PRKD3: variants seen among roughly 807,000 people sequenced by gnomAD.
PRKD3 encodes protein kinase D3.
In PRKD3, 47 loss-of-function variants were observed where a neutral mutation model predicts 99.2. That is an observed-to-expected ratio of 0.47 (90% CI 0.38 to 0.60). PRKD3 has a LOEUF of 0.60. Ranked by LOEUF, PRKD3 falls within the 20% of genes least tolerant of loss-of-function variation. The pLI, the probability that PRKD3 is intolerant of heterozygous loss-of-function variation, is 0.00. For missense variants in PRKD3, 1,019 were observed against 1,088.4 expected, an observed-to-expected ratio of 0.94 and a Z score of 0.90; for synonymous variants, 392 against 355.4, an observed-to-expected ratio of 1.10 and a Z score of -1.16.
intron 12 of PRKD3, 59 bp from the exon 13 acceptor site, chr2:37,269,746 TCTGA>T (rs1316488260): frequency 4.1e-6 from 5 of 1,216,404 alleles, no homozygotes; most frequent in Non-Finnish European, 5.9e-6. Flanking sequence ...TGTCAACATC[TCTGA>T]CTTTCTTCAT....
chr2:37,255,174 A>C (rs1367384867), intron 17 of PRKD3, among the ~76,000 whole-genome samples: 1 of 152,228 alleles, frequency 6.6e-6, no homozygotes, highest in Admixed American at 6.5e-5. Context: ...ACATCAAAAA[A>C]CATCTCTTAT....
intron 2 of PRKD3, among the ~76,000 whole-genome samples, chr2:37,310,783 T>C (rs938580184): frequency 6.6e-6 from 1 of 152,182 alleles, no homozygotes; most frequent in Non-Finnish European, 1.5e-5. Flanking sequence ...GAACATGGCA[T>C]GTCTGAAGCT....
chr2:37,314,985 G>A (rs888494695), intron 2 of PRKD3, among the ~76,000 whole-genome samples: 1 of 138,924 alleles, frequency 7.2e-6, no homozygotes, highest in Non-Finnish European at 1.5e-5. Context: ...TTCACAAACT[G>A]CACAACATCT....
At chr2:37,298,503 A>G (rs1295580630) in intron 2 of PRKD3, among the ~76,000 whole-genome samples, 1 of 151,998 alleles carries the variant, frequency 6.6e-6, no homozygotes, top group Non-Finnish European at 1.5e-5. Context: ...CAGTTTTTCC[A>G]TCTGTAAAAT....
intron 2 of PRKD3, among the ~76,000 whole-genome samples, chr2:37,302,251 A>C (rs1670964697): frequency 1.3e-5 from 2 of 152,048 alleles, no homozygotes; most frequent in Non-Finnish European, 2.9e-5. Flanking sequence ...CCATCCCCCG[A>C]GCTTTTCTGG....
At chr2:37,261,410 C>G (rs899103988) in intron 14 of PRKD3, among the ~76,000 whole-genome samples, 3 of 151,690 alleles carry the variant, frequency 2.0e-5, no homozygotes, top group Non-Finnish European at 4.4e-5. Context: ...TCACTTGAAC[C>G]TGGGAGGTGG....
intron 2 of PRKD3, among the ~76,000 whole-genome samples, chr2:37,310,389 T>G (rs2124890529): frequency 6.6e-6 from 1 of 152,308 alleles, no homozygotes; most frequent in East Asian, 1.9e-4. Context: ...CACACAATGA[T>G]GAGAGATGAG....
chr2:37,282,683 ACTTT>A (rs1669907053), intron 6 of PRKD3, 64 bp from the exon 7 acceptor site: 2 of 1,108,572 alleles, frequency 1.8e-6, no homozygotes, highest in Non-Finnish European at 2.7e-6. Context: ...ATATGGTTAG[ACTTT>A]CTTTAAATCA....
At chr2:37,269,082 T>C (rs1669041199) in intron 13 of PRKD3, 1 of 155,226 alleles carries the variant, frequency 6.4e-6, no homozygotes. Flanking sequence ...TTAATTAATA[T>C]TTAAGCCCTA....
chr2:37,301,594 T>C (rs942761113), intron 2 of PRKD3, among the ~76,000 whole-genome samples: 1 of 152,144 alleles, frequency 6.6e-6, no homozygotes. Flanking sequence ...TCACCTTTCC[T>C]GGCCCTTAAT....
chr2:37,254,642 T>TA (rs1558519361), intron 17 of PRKD3, among the ~76,000 whole-genome samples: 1 of 152,202 alleles, frequency 6.6e-6, no homozygotes, highest in Admixed American at 6.5e-5. Flanking sequence ...GTTGCTGACA[T>TA]ATGTTAAGGG....
At chr2:37,287,597 A>G (rs907964701) in intron 5 of PRKD3, among the ~76,000 whole-genome samples, 8 of 152,140 alleles carry the variant, frequency 5.3e-5, no homozygotes, top group Non-Finnish European at 1.0e-4. Context: ...CTGTTCATAT[A>G]GCTAGATGGT....
intron 14 of PRKD3, among the ~76,000 whole-genome samples, chr2:37,261,555 CG>C (rs201809236): frequency 0.023 from 3,439 of 151,946 alleles, 62 homozygotes; most frequent in South Asian, 0.041. Context: ...CCAAGGCAGG[CG>C]GATCACCTGA....
At chr2:37,287,226 A>G (rs111474759) in intron 5 of PRKD3, among the ~76,000 whole-genome samples, 11,559 of 96,880 alleles carry the variant, frequency 0.12, 833 homozygotes, top group East Asian at 0.36. Flanking sequence ...GCGAAACTCC[A>G]TCTCAAAAAA....
At chr2:37,293,085 G>C in intron 3 of PRKD3, 48 bp downstream of exon 3, 1 of 1,487,362 alleles carries the variant, frequency 6.7e-7, no homozygotes, top group South Asian at 1.4e-5. Context: ...CAGAAAATTA[G>C]GCTCTTTGAG....
rs1394873991 is a variant in PRKD3 at position 37,251,454 on chromosome 2, T to C, written c.*1723A>G. On this transcript the variant is annotated 3_prime_UTR_variant, in exon 19 of 19. Transcript: ENST00000234179. ...GATGAAGCTCATAATGACTTAACAC[T>C]ATGGCTGCTGTGAGGGTAAACTAAA... The C allele has an allele frequency of 1.3e-5, 2 of 152,594 alleles. No individual in the cohort carries two copies. Among genetic ancestry groups the C allele is most frequent in the Non-Finnish European group, 2.9e-5 (2 of 68,026 alleles). The allele number at this position is 152,594 out of a possible 1,614,324, so 9.5% of individuals were successfully genotyped here.
chr2:37,286,093 G>T, intron 6 of PRKD3, 84 bp downstream of exon 6: 1 of 1,136,754 alleles, frequency 8.8e-7, no homozygotes, highest in Non-Finnish European at 1.2e-6. Context: ...TTTGGCTAAT[G>T]CTTCTGAAAT....
chr2:37,273,100 G>A (rs1474801234), intron 11 of PRKD3, among the ~76,000 whole-genome samples: 1 of 152,052 alleles, frequency 6.6e-6, no homozygotes, highest in East Asian at 1.9e-4. Context: ...GGGACAAAGA[G>A]TTTTTATACA....
At chr2:37,316,160 C>A (rs1295549125) in intron 2 of PRKD3, 77 bp downstream of exon 2, 1 of 1,394,140 alleles carries the variant, frequency 7.2e-7, no homozygotes, top group African/African-American at 1.4e-5. Context: ...TATGTCTTAA[C>A]TCACTGGTAC....
Sources: allele counts gnomAD v4.1 joint callset (sites outside exome capture counted in the v4.1 genomes callset), GRCh38; gene constraint gnomAD v4.1.1; transcripts MANE v1.5; gene names NCBI Gene and HGNC (gene_info 2026-07-23, HGNC 2026-07-21).